SNTB1: variants seen among roughly 807,000 people sequenced by gnomAD.
SNTB1 encodes the protein beta-1-syntrophin.
Under a neutral mutation model 48.9 loss-of-function variants are expected in SNTB1, and 36 were observed. The ratio of observed to expected loss-of-function variants is 0.74; its 90% CI spans 0.56 to 0.97. The LOEUF is 0.97. SNTB1 is among the 50% of genes least tolerant of loss of function. SNTB1 has a pLI of 0.00. For missense variants in SNTB1, 786 were observed against 703.4 expected (o/e 1.12, Z -1.33); for synonymous variants, 299 against 294.6 (o/e 1.01, Z -0.15).
intron 1 of SNTB1, among the ~76,000 whole-genome samples, chr8:120,716,613 A>C (rs1393770154): frequency 6.6e-6 from 1 of 152,176 alleles, no homozygotes; most frequent in African/African-American, 2.4e-5. Context: ...GAGAACTTTT[A>C]GTAATCAGAA....
At chr8:120,769,030 A>T (rs1001374390) in intron 1 of SNTB1, 1 of 152,270 alleles carries the variant, frequency 6.6e-6, no homozygotes, top group African/African-American at 2.4e-5. Flanking sequence ...TGGCCTGTGG[A>T]CATAGACCTG....
At chr8:120,697,842 A>G (rs1015238948) in intron 1 of SNTB1, among the ~76,000 whole-genome samples, 16 of 152,348 alleles carry the variant, frequency 1.1e-4, no homozygotes, top group Non-Finnish European at 1.9e-4. Flanking sequence ...TGATAAAAAG[A>G]ACCAAACAGA....
intron 3 of SNTB1, among the ~76,000 whole-genome samples, chr8:120,581,658 T>C (rs2130695923): frequency 6.6e-6 from 1 of 152,212 alleles, no homozygotes; most frequent in East Asian, 1.9e-4. Flanking sequence ...GATGTTAAGA[T>C]AATGATGAAA....
At chr8:120,624,988 C>T (rs1816852164) in intron 3 of SNTB1, among the ~76,000 whole-genome samples, 1 of 152,210 alleles carries the variant, frequency 6.6e-6, no homozygotes, top group Non-Finnish European at 1.5e-5. Flanking sequence ...AAATCCTAGG[C>T]ACAGTGGGAC....
intron 3 of SNTB1, among the ~76,000 whole-genome samples, chr8:120,587,848 G>A (rs1816173771): frequency 6.6e-6 from 1 of 152,114 alleles, no homozygotes; most frequent in Non-Finnish European, 1.5e-5. Context: ...TCTCGATGTG[G>A]TGGGGGAAGC....
intron 1 of SNTB1, among the ~76,000 whole-genome samples, chr8:120,725,861 A>G (rs902284131): frequency 6.6e-6 from 1 of 152,176 alleles, no homozygotes; most frequent in African/African-American, 2.4e-5. Flanking sequence ...GCTATTTGAA[A>G]ATTTCTCAAT....
chr8:120,795,103 G>T (rs1820100429), intron 1 of SNTB1, among the ~76,000 whole-genome samples: 1 of 151,868 alleles, frequency 6.6e-6, no homozygotes, highest in Non-Finnish European at 1.5e-5. Context: ...TGCAATATTT[G>T]GGAAATACTT....
chr8:120,713,500 G>C (rs1012610174), intron 1 of SNTB1, among the ~76,000 whole-genome samples: 9 of 152,286 alleles, frequency 5.9e-5, no homozygotes, highest in African/African-American at 2.2e-4. Flanking sequence ...GGGAGGTCAA[G>C]GTGGGTGGAT....
chr8:120,690,244 G>A (rs1008853713), intron 2 of SNTB1, among the ~76,000 whole-genome samples: 5 of 152,064 alleles, frequency 3.3e-5, no homozygotes, highest in African/African-American at 4.8e-5. Flanking sequence ...GAAAAACACA[G>A]TTATAGAGGA....
chr8:120,679,875 T>G (rs1817900960), intron 2 of SNTB1, among the ~76,000 whole-genome samples: 1 of 150,764 alleles, frequency 6.6e-6, no homozygotes. Context: ...TTTTTTGCTT[T>G]CTTTTGAATT....
chr8:120,732,937 T>G (rs1333125820), intron 1 of SNTB1, among the ~76,000 whole-genome samples: 1 of 152,092 alleles, frequency 6.6e-6, no homozygotes, highest in African/African-American at 2.4e-5. Context: ...CTTTAAGGAG[T>G]TTATACTTTG....
At chr8:120,668,645 A>G (rs1817712115) in intron 2 of SNTB1, among the ~76,000 whole-genome samples, 1 of 152,224 alleles carries the variant, frequency 6.6e-6, no homozygotes, top group African/African-American at 2.4e-5. Flanking sequence ...TCAGTTTACA[A>G]ATACAGATAA....
intron 2 of SNTB1, among the ~76,000 whole-genome samples, chr8:120,671,892 C>G (rs891177066): frequency 1.3e-5 from 2 of 152,124 alleles, no homozygotes; most frequent in African/African-American, 4.8e-5. Flanking sequence ...GTCCTCTGTA[C>G]CTTTTGAATA....
At chr8:120,586,411 C>T (rs996322793) in intron 3 of SNTB1, among the ~76,000 whole-genome samples, 7 of 152,188 alleles carry the variant, frequency 4.6e-5, no homozygotes, top group Non-Finnish European at 1.0e-4. Context: ...TCTGCAGGCC[C>T]TGGGGAGAAC....
At chr8:120,589,736 G>A (rs1236063235) in intron 3 of SNTB1, among the ~76,000 whole-genome samples, 1 of 152,104 alleles carries the variant, frequency 6.6e-6, no homozygotes, top group Non-Finnish European at 1.5e-5. Flanking sequence ...GATAGTTCCT[G>A]TCAGGACCTA....
chr8:120,757,364 G>A (rs1235569150), intron 1 of SNTB1, among the ~76,000 whole-genome samples: 2 of 152,124 alleles, frequency 1.3e-5, no homozygotes, highest in Non-Finnish European at 2.9e-5. Flanking sequence ...TGATTACAGA[G>A]GTTAAAGAAA....
chr8:120,727,520 G>A (rs1024141918), intron 1 of SNTB1, among the ~76,000 whole-genome samples: 14 of 152,262 alleles, frequency 9.2e-5, no homozygotes, highest in African/African-American at 2.9e-4. Flanking sequence ...TCACATTGGC[G>A]CAGTGCTTCG....
intron 2 of SNTB1, chr8:120,637,923 T>C: frequency 4.4e-6 from 1 of 226,434 alleles, no homozygotes; most frequent in Non-Finnish European, 9.7e-6. Flanking sequence ...TTTCTAAAGC[T>C]TCTTTGGCTT....
At chr8:120,671,458 C>T (rs964090004) in intron 2 of SNTB1, among the ~76,000 whole-genome samples, 2 of 152,124 alleles carry the variant, frequency 1.3e-5, no homozygotes, top group Non-Finnish European at 2.9e-5. Context: ...AAGACTGAAG[C>T]GGAGATTGCA....
Sources: gnomAD v4.1 joint callset for allele counts (sites outside exome capture counted in the v4.1 genomes callset) on GRCh38, gnomAD v4.1.1 for gene constraint, MANE v1.5 for transcripts, NCBI Gene and HGNC (gene_info 2026-07-23, HGNC 2026-07-21) for gene names.